Variants in MRPL37 observed in about 807,000 individuals in gnomAD.
MRPL37 encodes large ribosomal subunit protein mL37.
A neutral mutation model predicts 44.1 loss-of-function variants in MRPL37; 34 were observed. That is an observed-to-expected ratio of 0.77 (90% CI 0.59 to 1.03). The LOEUF is 1.03. MRPL37 is among the 50% of genes least tolerant of loss of function. The pLI, the probability that MRPL37 is intolerant of heterozygous loss-of-function variation, is 0.00. For synonymous variants in MRPL37, 212 were observed against 219.5 expected (o/e 0.97, Z 0.30); for missense variants, 532 against 543.7 (o/e 0.98, Z 0.21).
chr1:54,220,615 G>C (rs1557736120), downstream of MRPL37: 1 of 471,622 alleles, frequency 2.1e-6, no homozygotes. Context: ...CCACAGACAG[G>C]TCCTTGCTTC....
At chr1:54,219,051 A>C (rs551651905), downstream of MRPL37, among the ~76,000 whole-genome samples, 218 of 152,352 alleles carry the variant, frequency 1.4e-3, no homozygotes, top group African/African-American at 5.1e-3. Context: ...TTAGGACAGG[A>C]ACCTGTGGAG....
chr1:54,218,286 C>T lies in MRPL37; in HGVS notation c.*37C>T. 2 of 1,613,958 alleles carry T rather than the reference C, an allele frequency of 1.2e-6. No individual in the cohort carries two copies. Among genetic ancestry groups the T allele is most frequent in the Non-Finnish European group, 1.7e-6 (2 of 1,179,970 alleles). On this transcript the variant is annotated 3_prime_UTR_variant, in exon 7 of 7. Transcript: ENST00000360840. ...CTCTGAATCCTGAAACCCCTCTTGC[C>T]TCTCTTCCACGGAAGAGGGCCTGGG...
chr1:54,225,392 T>C, downstream of MRPL37: 1 of 1,234,050 alleles, frequency 8.1e-7, no homozygotes, highest in Non-Finnish European at 1.0e-6. Context: ...ATCAGTGTAA[T>C]AAACTCCAAC....
downstream of MRPL37, among the ~76,000 whole-genome samples, chr1:54,219,949 A>AGTT (rs1570156191): frequency 6.6e-6 from 1 of 152,132 alleles, no homozygotes; most frequent in Non-Finnish European, 1.5e-5. Context: ...GGTTGTTTCC[A>AGTT]GTTGTTATTA....
chr1:54,205,016 AG>A lies in MRPL37; in HGVS notation c.347del. 1 of 1,610,218 alleles carries A rather than the reference AG, an allele frequency of 6.2e-7. No homozygotes were observed. On this transcript the variant is annotated splice_acceptor_variant, in intron 1 of 6. Transcript: ENST00000360840. LOFTEE classifies it high-confidence loss of function. ...TTATTTTTGTGGCTAATTACCTCAA[AG>A]GTGTAAAGCAGGCCCTCTGGCTCAC...
intron 1 of MRPL37, among the ~76,000 whole-genome samples, chr1:54,203,045 A>T (rs1267718447): frequency 6.6e-6 from 1 of 152,226 alleles, no homozygotes; most frequent in Non-Finnish European, 1.5e-5. Flanking sequence ...GAAGCTAGGG[A>T]GGTCTTTGCC....
chr1:54,207,473 A>G (rs1340197870), intron 3 of MRPL37: 2 of 152,238 alleles, frequency 1.3e-5, no homozygotes, highest in Non-Finnish European at 2.9e-5. Context: ...ATTTGTGTAT[A>G]GACTTCCTGG....
chr1:54,217,567 T>A (rs1644206612), intron 6 of MRPL37, among the ~76,000 whole-genome samples: 1 of 152,156 alleles, frequency 6.6e-6, no homozygotes, highest in African/African-American at 2.4e-5. Context: ...CATTTCTACT[T>A]CTTCTATTGC....
chr1:54,220,694 G>A (rs1396524629), downstream of MRPL37: 1 of 471,538 alleles, frequency 2.1e-6, no homozygotes, highest in Non-Finnish European at 4.4e-6. Context: ...AAGTGATGCA[G>A]CGGAACTTGA....
chr1:54,210,939 G>A lies in MRPL37; in HGVS notation c.832+808G>A, dbSNP rs74073241. 1.5e-3 allele frequency among the ~76,000 whole-genome samples: 232 copies of A among 152,074 alleles called. 1 individual carries two copies. The highest frequency in any genetic ancestry group is 5.4e-3 in the African/African-American group (225 of 41,446). On this transcript the variant is annotated intron_variant, in intron 4 of 6. Transcript: ENST00000360840. ...TAAAGTTGGAACTCCTTTGCTTATC[G>A]TGAAAGGGCCTTCACATCTGGTCTC...
chr1:54,213,770 G>A (rs897014588), intron 5 of MRPL37, among the ~76,000 whole-genome samples: 15 of 152,198 alleles, frequency 9.9e-5, no homozygotes, highest in Admixed American at 2.6e-4. Context: ...TGAACTGGCC[G>A]GGTGCGGTGG....
downstream of MRPL37, among the ~76,000 whole-genome samples, chr1:54,219,136 G>A (rs541448555): frequency 6.6e-6 from 1 of 152,228 alleles, no homozygotes; most frequent in Non-Finnish European, 1.5e-5. Flanking sequence ...CCCAGTTCAT[G>A]GGCACTCTGG....
downstream of MRPL37, among the ~76,000 whole-genome samples, chr1:54,218,923 T>C (rs1274588049): frequency 1.2e-4 from 18 of 152,254 alleles, no homozygotes. Context: ...CCATGCACTG[T>C]TCTGGGCCCT....
At position 54,216,351 on chromosome 1, in the gene MRPL37, T is replaced by G. The variant is rs1447797889; in HGVS notation, c.1194+7T>G. 1 of 1,613,308 alleles carries G rather than the reference T, an allele frequency of 6.2e-7. No homozygotes were observed. Among genetic ancestry groups the G allele is most frequent in the East Asian group, 2.2e-5 (1 of 44,878 alleles). ...CAAAAAGAGAGTGGTTGTGGTAAGT[T>G]GAGCCATCTCCTGCCTGACCCAGGA... On this transcript the variant is annotated splice_region_variant and intron_variant, in intron 6 of 6. Transcript: ENST00000360840.
At chr1:54,207,423 A>G (rs1421407283) in intron 3 of MRPL37, 1 of 152,232 alleles carries the variant, frequency 6.6e-6, no homozygotes, top group Non-Finnish European at 1.5e-5. Context: ...AAAACCAGCT[A>G]CGGAATGATC....
rs1394031205 is a variant in MRPL37 at position 54,205,104 on chromosome 1, A to C, written c.433A>C (p.Asn145His). 7 of 1,614,038 alleles carry C rather than the reference A, an allele frequency of 4.3e-6. No individual in the cohort carries two copies. The highest frequency in any genetic ancestry group is 5.9e-6 in the Non-Finnish European group (7 of 1,180,046). The change falls in exon 2 of 7, where the codon AAC (asparagine) becomes CAC (histidine). Residue 145 changes from asparagine (N) to histidine (H), a missense_variant. Physicochemically the swap from Asn to His is moderately conservative, Grantham distance 68. Coordinates refer to ENST00000360840, the MANE Select transcript of MRPL37 (RefSeq NM_016491.4). Reference sequence around the variant, plus strand: ...GCTTAGCCTTGTTGATGATCCAAGGAACCACATAGAGAACCAAGACGAGTG... The same window carrying C: ...GCTTAGCCTTGTTGATGATCCAAGGCACCACATAGAGAACCAAGACGAGTG... Reference protein sequence around the residue: ...KVLSLVDDPRNHIENQDECVL... With the variant: ...KVLSLVDDPRHHIENQDECVL...
chr1:54,204,075 A>G (rs999314437), intron 1 of MRPL37, among the ~76,000 whole-genome samples: 2 of 152,140 alleles, frequency 1.3e-5, no homozygotes, highest in Non-Finnish European at 2.9e-5. Context: ...CAGTTACACA[A>G]TTTACCATGT....
intron 3 of MRPL37, among the ~76,000 whole-genome samples, chr1:54,207,909 A>T (rs1644135721): frequency 6.6e-6 from 1 of 152,198 alleles, no homozygotes. Flanking sequence ...TTGATCCATT[A>T]CCATCACACT....
intron 1 of MRPL37, 21 bp downstream of exon 1, chr1:54,200,610 G>T: frequency 6.4e-7 from 1 of 1,571,412 alleles, no homozygotes; most frequent in Non-Finnish European, 8.7e-7. Flanking sequence ...AGGACGGGCG[G>T]CAAGGGACCG....
Sources: gnomAD v4.1 joint callset for allele counts (sites outside exome capture counted in the v4.1 genomes callset) on GRCh38, gnomAD v4.1.1 for gene constraint, MANE v1.5 for transcripts, NCBI Gene and HGNC (gene_info 2026-07-23, HGNC 2026-07-21) for gene names.